Variants in ADAMTS20 observed in about 807,000 individuals in gnomAD.
ADAMTS20 encodes A disintegrin and metalloproteinase with thrombospondin motifs 20.
A neutral mutation model predicts 260.1 loss-of-function variants in ADAMTS20; 225 were observed. That is an observed-to-expected ratio of 0.87 (90% CI 0.78 to 0.97). ADAMTS20 has a LOEUF of 0.97. ADAMTS20 is among the 50% of genes least tolerant of loss of function. The pLI, the probability that ADAMTS20 is intolerant of heterozygous loss-of-function variation, is 0.00. For synonymous variants in ADAMTS20, 802 were observed against 769.5 expected (o/e 1.04, Z -0.70); for missense variants, 2,400 against 2,337.7 (o/e 1.03, Z -0.55).
chr12:43,492,195 A>G (rs1004860479), intron 6 of ADAMTS20, among the ~76,000 whole-genome samples: 4 of 151,986 alleles, frequency 2.6e-5, no homozygotes, highest in Non-Finnish European at 5.9e-5. Context: ...CCTGGCTAAC[A>G]CGGTGAAACC....
In ADAMTS20 at chr12:43,391,156, G is replaced by A. The variant is rs529539790; in HGVS notation, c.4453-7179C>T. On this transcript the variant is annotated intron_variant, in intron 29 of 38. Coordinates refer to ENST00000389420, the MANE Select transcript of ADAMTS20 (RefSeq NM_025003.5). ...TAGAAGGGTGCCTTCTCACTGTGTC[G>A]TCACATGGGTGAAGGAACAAGCTAG... Among the ~76,000 whole-genome samples, 8 of 152,312 alleles carry A rather than the reference G, an allele frequency of 5.3e-5. No individual in the cohort carries two copies. The South Asian group carries it at 6.2e-4, about 12-fold the overall frequency.
At chr12:43,509,649 T>C (rs1942895517) in intron 3 of ADAMTS20, among the ~76,000 whole-genome samples, 1 of 151,956 alleles carries the variant, frequency 6.6e-6, no homozygotes, top group Non-Finnish European at 1.5e-5. Flanking sequence ...ATGACAAACA[T>C]GGAATTAAGA....
chr12:43,466,536 G>T, intron 9 of ADAMTS20, 116 bp downstream of exon 9: 1 of 912,926 alleles, frequency 1.1e-6, no homozygotes, highest in Non-Finnish European at 1.6e-6. Context: ...TACAGTGAAA[G>T]TAAACATAAA....
In ADAMTS20 at chr12:43,492,620, C is replaced by T; in HGVS notation, c.961G>A (p.Val321Ile). The T allele has an allele frequency of 6.2e-7, 1 of 1,613,736 alleles. No homozygotes were observed. The highest frequency in any genetic ancestry group is 8.5e-7 in the Non-Finnish European group (1 of 1,179,786). The change falls in exon 6 of 39, where the codon GTC becomes ATC. Residue 321 changes from valine to isoleucine, a missense_variant. By Grantham distance (29) the Val-to-Ile change is conservative. Transcript: ENST00000389420. ...VMIHREEEGP[V>I]INFDGATTLK... ...GTGGTAGCACCATCAAAATTAATGA[C>T]TGGTCCTTCCTATGCAAAATAAGCA... is the stretch of plus-strand genomic sequence containing the variant.
At position 43,356,529 on chromosome 12, in the gene ADAMTS20, C is replaced by T. The variant is rs1289139870; in HGVS notation, c.5598G>A (p.Trp1866Ter). The T allele has an allele frequency of 6.2e-7, 1 of 1,611,566 alleles. No homozygotes were observed. Among genetic ancestry groups the T allele is most frequent in the Admixed American group, 1.7e-5 (1 of 59,780 alleles). The change falls in exon 38 of 39, where the codon TGG becomes TGA. Residue 1866 changes from tryptophan to a stop codon, truncating the protein, a stop_gained. Coordinates refer to ENST00000389420, the MANE Select transcript of ADAMTS20 (RefSeq NM_025003.5). LOFTEE classifies it high-confidence loss of function. ...TGMKISSTAKWLTQGSYTSVS... is the reference protein window; with the variant it reads ...TGMKISSTAK ...CAGAGGTATAACTCCCCTGAGTGAG[C>T]CACTTTGCTGTGCTGGATATCTTCA...
intron 11 of ADAMTS20, among the ~76,000 whole-genome samples, chr12:43,460,988 A>ATATATATATATATATATATTTT: frequency 3.8e-5 from 1 of 26,394 alleles, no homozygotes; most frequent in Non-Finnish European, 6.7e-5. Context: ...ATATATATAT[A>ATATATATATATATATATATTTT]TTTTTTTTTT....
At chr12:43,542,598 T>C (rs1391985156) in intron 2 of ADAMTS20, among the ~76,000 whole-genome samples, 10 of 152,200 alleles carry the variant, frequency 6.6e-5, no homozygotes, top group Non-Finnish European at 1.5e-5. Flanking sequence ...TTTAGTACAG[T>C]TGGAATTTTA....
chr12:43,443,627 T>C (rs1941707232), intron 16 of ADAMTS20, among the ~76,000 whole-genome samples, 164 bp downstream of exon 16: 1 of 152,216 alleles, frequency 6.6e-6, no homozygotes, highest in Non-Finnish European at 1.5e-5. Flanking sequence ...AATACATTTT[T>C]GAGTGCTTAA....
At chr12:43,462,699 C>T (rs1942084725) in intron 11 of ADAMTS20, among the ~76,000 whole-genome samples, 196 bp downstream of exon 11, 1 of 152,046 alleles carries the variant, frequency 6.6e-6, no homozygotes, top group Non-Finnish European at 1.5e-5. Flanking sequence ...TATTCATCTG[C>T]CATAGCTTAG....
intron 37 of ADAMTS20, among the ~76,000 whole-genome samples, chr12:43,358,512 A>C (rs1939793687): frequency 6.6e-6 from 1 of 152,168 alleles, no homozygotes; most frequent in Non-Finnish European, 1.5e-5. Context: ...ATCTCACTCT[A>C]AATCTGTTAA....
chr12:43,421,962 C>T (rs1051217974), intron 28 of ADAMTS20, among the ~76,000 whole-genome samples: 1 of 151,676 alleles, frequency 6.6e-6, no homozygotes, highest in Admixed American at 6.6e-5. Context: ...AATATAAGAT[C>T]TGTTCAGTGA....
intron 28 of ADAMTS20, among the ~76,000 whole-genome samples, chr12:43,422,429 A>G (rs1941254014): frequency 6.6e-6 from 1 of 152,002 alleles, no homozygotes; most frequent in East Asian, 1.9e-4. Context: ...ATATGCACCA[A>G]CACTGAAAGA....
chr12:43,446,826 A>G, intron 14 of ADAMTS20, 114 bp from the exon 15 acceptor site: 1 of 801,868 alleles, frequency 1.2e-6, no homozygotes, highest in Non-Finnish European at 2.1e-6. Flanking sequence ...CTGACCCCAC[A>G]GAAATATAGA....
intron 7 of ADAMTS20, among the ~76,000 whole-genome samples, chr12:43,481,001 A>G (rs2137412514): frequency 6.6e-6 from 1 of 152,272 alleles, no homozygotes; most frequent in East Asian, 1.9e-4. Context: ...AGGTTTGTTA[A>G]TTAGCTTGAT....
intron 37 of ADAMTS20, among the ~76,000 whole-genome samples, chr12:43,358,823 C>A (rs78725100): frequency 0.052 from 6,067 of 117,098 alleles, 193 homozygotes; most frequent in Middle Eastern, 0.083. Flanking sequence ...GGCGACAGAG[C>A]GAAACTCCGT....
intron 21 of ADAMTS20, 55 bp from the exon 22 acceptor site, chr12:43,431,551 C>T (rs980139373): frequency 6.4e-7 from 1 of 1,568,390 alleles, no homozygotes; most frequent in African/African-American, 1.4e-5. Context: ...ACACAAATGC[C>T]TTAAACTGAT....
chr12:43,390,139 T>A (rs1478628063), intron 29 of ADAMTS20, among the ~76,000 whole-genome samples: 1 of 152,224 alleles, frequency 6.6e-6, no homozygotes, highest in Non-Finnish European at 1.5e-5. Context: ...TGCAGCCCTG[T>A]TCTGTCCTTA....
At chr12:43,546,734 T>A (rs914606489) in intron 2 of ADAMTS20, among the ~76,000 whole-genome samples, 8 of 152,170 alleles carry the variant, frequency 5.3e-5, no homozygotes, top group Admixed American at 5.2e-4. Context: ...AACATAGAGT[T>A]TGATTAGCCA....
At position 43,369,967 on chromosome 12, in the gene ADAMTS20, A is replaced by C. The variant is rs183653588; in HGVS notation, c.5447-586T>G. ...GAAGAGTCTACATAAAGTATCAAAAATAGAGCCATTGGATTAAAACAGGCT... is the reference window on the plus strand; with the variant it reads ...GAAGAGTCTACATAAAGTATCAAAACTAGAGCCATTGGATTAAAACAGGCT... On this transcript the variant is annotated intron_variant, in intron 36 of 38. Transcript: ENST00000389420. Among the ~76,000 whole-genome samples the C allele has an allele frequency of 1.4e-3, 213 of 152,302 alleles. 5 individuals carry two copies. Among genetic ancestry groups the C allele is most frequent in the African/African-American group, 4.9e-3 (202 of 41,578 alleles).
Sources: allele counts gnomAD v4.1 joint callset (sites outside exome capture counted in the v4.1 genomes callset), GRCh38; gene constraint gnomAD v4.1.1; transcripts MANE v1.5; gene names NCBI Gene and HGNC (gene_info 2026-07-23, HGNC 2026-07-21).